Variants in SLC1A2 observed in about 807,000 individuals in gnomAD.
The protein encoded by SLC1A2 is excitatory amino acid transporter 2.
SLC1A2 carries 15 observed loss-of-function variants against 48.8 expected under a neutral mutation model. The observed-to-expected ratio is 0.31, with a 90% CI of 0.21 to 0.47. The LOEUF (loss-of-function observed/expected upper bound fraction) is 0.47, where lower values mean the gene tolerates loss of function less well. Ranked by LOEUF, SLC1A2 falls within the 20% of genes least tolerant of loss-of-function variation. The pLI is 0.99. For synonymous variants in SLC1A2, 279 were observed against 272.6 expected, an observed-to-expected ratio of 1.02 and a Z score of -0.23; for missense variants, 502 against 730.5, an observed-to-expected ratio of 0.69 and a Z score of 3.61.
intron 9 of SLC1A2, among the ~76,000 whole-genome samples, chr11:35,274,473 T>C (rs1253396241): frequency 6.6e-6 from 1 of 152,166 alleles, no homozygotes; most frequent in Non-Finnish European, 1.5e-5. Flanking sequence ...AAGATAGACA[T>C]AAGCCCCTAA....
In SLC1A2 at chr11:35,258,718, G is replaced by C. The variant is rs1310797804; in HGVS notation, c.*2176C>G. Reference sequence around the variant, plus strand: ...GCACTTTGGGAGGCCATGGCGGGTGGATCATGAGGTCAGGAGATCGAGACC... The same window carrying C: ...GCACTTTGGGAGGCCATGGCGGGTGCATCATGAGGTCAGGAGATCGAGACC... On this transcript the variant is annotated 3_prime_UTR_variant, in exon 11 of 11. Coordinates refer to ENST00000278379, the MANE Select transcript of SLC1A2 (RefSeq NM_004171.4). 1 of 152,376 alleles carries C rather than the reference G, an allele frequency of 6.6e-6. No individual in the cohort carries two copies. The highest frequency in any genetic ancestry group is 2.4e-5 in the African/African-American group (1 of 41,446). The allele number at this position is 152,376 out of a possible 1,614,324, so 9.4% of individuals were successfully genotyped here. A position where few individuals can be genotyped will look rare whatever the true frequency, so the allele number is the denominator to read the frequency against.
chr11:35,418,297 T>C (rs1291182730), intron 1 of SLC1A2: 1 of 152,268 alleles, frequency 6.6e-6, no homozygotes, highest in Non-Finnish European at 1.5e-5. Flanking sequence ...GGGAAGCCAA[T>C]GCTATCCCTG....
At chr11:35,309,649 G>C (rs1268127413) in intron 4 of SLC1A2, among the ~76,000 whole-genome samples, 2 of 152,146 alleles carry the variant, frequency 1.3e-5, no homozygotes, top group African/African-American at 4.8e-5. Flanking sequence ...TCTGGTCAAG[G>C]AGCCTCCTCC....
At chr11:35,268,253 A>G (rs1310077860) in intron 9 of SLC1A2, among the ~76,000 whole-genome samples, 2 of 152,246 alleles carry the variant, frequency 1.3e-5, no homozygotes, top group African/African-American at 4.8e-5. Context: ...CAATACTCTG[A>G]GTACCCATTG....
At chr11:35,367,089 T>A (rs1853875990) in intron 1 of SLC1A2, among the ~76,000 whole-genome samples, 1 of 152,188 alleles carries the variant, frequency 6.6e-6, no homozygotes, top group Non-Finnish European at 1.5e-5. Context: ...AGGGTAAAAA[T>A]CATATAGCAT....
intron 1 of SLC1A2, among the ~76,000 whole-genome samples, chr11:35,352,802 G>C (rs1468400491): frequency 6.6e-6 from 1 of 152,178 alleles, no homozygotes; most frequent in Non-Finnish European, 1.5e-5. Context: ...GAAATCAATG[G>C]GAACTCAAGG....
rs1346505979 is a variant in SLC1A2, at chr11:35,293,212, C to T, written c.858-692G>A. On this transcript the variant is annotated intron_variant, in intron 6 of 10. Coordinates refer to ENST00000278379, the MANE Select transcript of SLC1A2 (RefSeq NM_004171.4). Reference sequence around the variant, plus strand: ...GAAAATCTAGGTGTCATTATTGCAACGTGGCAAATAAAGAAACTGAGGTTA... The same window carrying T: ...GAAAATCTAGGTGTCATTATTGCAATGTGGCAAATAAAGAAACTGAGGTTA... Among the ~76,000 whole-genome samples, 5 of 152,100 alleles carry T rather than the reference C, an allele frequency of 3.3e-5. No homozygotes were observed. In the East Asian group the frequency reaches 5.8e-4, roughly 18 times the overall value.
intron 9 of SLC1A2, among the ~76,000 whole-genome samples, chr11:35,278,794 C>T (rs990305205): frequency 4.6e-5 from 7 of 151,838 alleles, no homozygotes; most frequent in East Asian, 2.0e-4. Context: ...TGAGGTGGGC[C>T]GATCACTTGA....
intron 1 of SLC1A2, among the ~76,000 whole-genome samples, chr11:35,366,120 A>G (rs16927412): frequency 0.022 from 3,362 of 152,306 alleles, 120 homozygotes; most frequent in African/African-American, 0.076. Context: ...ACTAGAGTTT[A>G]TTATACTTAT....
chr11:35,315,221 C>A, intron 2 of SLC1A2, 46 bp from the exon 3 acceptor site: 1 of 1,476,118 alleles, frequency 6.8e-7, no homozygotes, highest in South Asian at 1.2e-5. Context: ...TTGCCTTCGT[C>A]AAATGACTTA....
chr11:35,331,152 G>C (rs1192710116), intron 1 of SLC1A2, among the ~76,000 whole-genome samples: 1 of 152,166 alleles, frequency 6.6e-6, no homozygotes, highest in Non-Finnish European at 1.5e-5. Context: ...CTCCCTTCCT[G>C]AGATGTAGGC....
chr11:35,399,597 A>G (rs1217986651), intron 1 of SLC1A2: 10 of 984,556 alleles, frequency 1.0e-5, no homozygotes, highest in Non-Finnish European at 1.2e-5. Context: ...ATGCCTGCAG[A>G]TAGATGATGC....
intron 1 of SLC1A2, among the ~76,000 whole-genome samples, chr11:35,369,170 G>A (rs1012211849): frequency 2.0e-5 from 3 of 152,160 alleles, no homozygotes; most frequent in African/African-American, 7.2e-5. Flanking sequence ...TGGATAATAT[G>A]TGGGCAGCAA....
Position 35,253,313 on chromosome 11 carries a change from T to C in SLC1A2, c.*7581A>G, listed in dbSNP as rs1323651408. 6.6e-6 allele frequency: 1 copy of C among 152,630 alleles called. No individual in the cohort carries two copies. Among genetic ancestry groups the C allele is most frequent in the Non-Finnish European group, 1.5e-5 (1 of 68,050 alleles). The allele number at this position is 152,630 out of a possible 1,614,324, so 9.5% of individuals were successfully genotyped here. On this transcript the variant is annotated 3_prime_UTR_variant, in exon 11 of 11. Transcript: ENST00000278379. Reference sequence around the variant, plus strand: ...TCAATTCACATAACAATGTGACATTTACCACTAATTTGCTTGGCAAGAATT... The same window carrying C: ...TCAATTCACATAACAATGTGACATTCACCACTAATTTGCTTGGCAAGAATT...
chr11:35,328,699 G>C (rs750796739), intron 1 of SLC1A2, among the ~76,000 whole-genome samples: 5 of 152,184 alleles, frequency 3.3e-5, no homozygotes, highest in African/African-American at 4.8e-5. Context: ...GGCCAAAAGA[G>C]TGATTTTGCT....
chr11:35,337,339 A>G (rs1315567819), intron 1 of SLC1A2, among the ~76,000 whole-genome samples: 2 of 152,182 alleles, frequency 1.3e-5, no homozygotes, highest in Non-Finnish European at 2.9e-5. Flanking sequence ...GGGTAGTCAG[A>G]AAGGCAGTGA....
At chr11:35,291,822 CACCTAACAT>C (rs953070430) in intron 7 of SLC1A2, 1 of 160,078 alleles carries the variant, frequency 6.2e-6, no homozygotes, top group African/African-American at 2.4e-5. Flanking sequence ...GAAAAAGTCT[CACCTAACAT>C]ACCATTTACT....
At chr11:35,393,263 C>T (rs1360213855) in intron 1 of SLC1A2, among the ~76,000 whole-genome samples, 1 of 152,204 alleles carries the variant, frequency 6.6e-6, no homozygotes. Context: ...TATCTGTCTT[C>T]CAGAGGGCTG....
intron 1 of SLC1A2, among the ~76,000 whole-genome samples, chr11:35,394,149 ACTC>A (rs1854878145): frequency 6.6e-6 from 1 of 151,154 alleles, no homozygotes; most frequent in African/African-American, 2.4e-5. Flanking sequence ...TTTTAAGTAA[ACTC>A]CTCCTACCCA....
Sources: allele counts gnomAD v4.1 joint callset (sites outside exome capture counted in the v4.1 genomes callset), GRCh38; gene constraint gnomAD v4.1.1; transcripts MANE v1.5; gene names NCBI Gene and HGNC (gene_info 2026-07-23, HGNC 2026-07-21).